Variants in TANC2 observed in about 807,000 individuals in gnomAD.
TANC2 encodes tetratricopeptide repeat, ankyrin repeat and coiled-coil containing 2.
A neutral mutation model predicts 210.5 loss-of-function variants in TANC2; 26 were observed. That is an observed-to-expected ratio of 0.12 (90% CI 0.09 to 0.17). The LOEUF (loss-of-function observed/expected upper bound fraction) is 0.17. Among genes scored for constraint, TANC2 ranks in the 10% least tolerant of loss-of-function variants. The pLI, the probability that TANC2 is intolerant of heterozygous loss-of-function variation, is 1.00. For synonymous variants in TANC2, 931 were observed against 967.1 expected (o/e 0.96, Z 0.69); for missense variants, 2,129 against 2,608.9 (o/e 0.82, Z 4.01).
At chr17:63,402,867 T>A (rs2048384713) in intron 19 of TANC2, among the ~76,000 whole-genome samples, 1 of 152,250 alleles carries the variant, frequency 6.6e-6, no homozygotes, top group Non-Finnish European at 1.5e-5. Flanking sequence ...ATAAATCTCA[T>A]ATAAAATCCA....
intron 9 of TANC2, among the ~76,000 whole-genome samples, chr17:63,310,129 A>G (rs1375459984): frequency 1.3e-5 from 2 of 152,138 alleles, no homozygotes; most frequent in Non-Finnish European, 2.9e-5. Flanking sequence ...GGCGACATAA[A>G]CTGTTTCAAC....
At chr17:63,271,286 G>C (rs1395144175) in intron 9 of TANC2, among the ~76,000 whole-genome samples, 1 of 152,028 alleles carries the variant, frequency 6.6e-6, no homozygotes, top group Non-Finnish European at 1.5e-5. Context: ...CCCACCAACT[G>C]TGTATAAGTG....
rs184285870 is a variant in TANC2 at position 63,057,954 on chromosome 17, G to A, written c.68-15989G>A. On this transcript the variant is annotated intron_variant, in intron 2 of 27. Transcript: ENST00000689528. Reference sequence around the variant, plus strand: ...TATTCTTTTGGGTATATACCCAGTAGTGGAATTGCTGGGTTGAATAGTAAT... The same window carrying A: ...TATTCTTTTGGGTATATACCCAGTAATGGAATTGCTGGGTTGAATAGTAAT... 3.8e-3 allele frequency among the ~76,000 whole-genome samples: 578 copies of A among 152,266 alleles called. 4 individuals carry two copies. Among genetic ancestry groups the A allele is most frequent in the Middle Eastern group, 0.017 (5 of 294 alleles).
chr17:63,224,767 T>C (rs2042286327), intron 7 of TANC2, among the ~76,000 whole-genome samples: 1 of 152,140 alleles, frequency 6.6e-6, no homozygotes, highest in South Asian at 2.1e-4. Context: ...GAGTGTCCAT[T>C]AGGCCTCCAG....
intron 8 of TANC2, among the ~76,000 whole-genome samples, chr17:63,250,107 G>C (rs776736718): frequency 3.3e-5 from 5 of 151,736 alleles, no homozygotes; most frequent in African/African-American, 1.2e-4. Context: ...TCTTTTCCCT[G>C]TTCCTTCTCA....
intron 4 of TANC2, among the ~76,000 whole-genome samples, chr17:63,124,364 G>A (rs183609190): frequency 1.3e-5 from 2 of 152,250 alleles, no homozygotes; most frequent in African/African-American, 4.8e-5. Context: ...CCAAGATGGT[G>A]TAACTTTTGC....
At chr17:63,347,879 A>AT (rs2046465840) in intron 12 of TANC2, among the ~76,000 whole-genome samples, 1 of 152,154 alleles carries the variant, frequency 6.6e-6, no homozygotes, top group African/African-American at 2.4e-5. Context: ...AGCCCAAGCT[A>AT]TCCTCCTGCC....
chr17:63,200,135 C>T (rs1383929885), intron 6 of TANC2, among the ~76,000 whole-genome samples: 1 of 151,642 alleles, frequency 6.6e-6, no homozygotes, highest in Non-Finnish European at 1.5e-5. Flanking sequence ...GCGGGTGGAT[C>T]ACCTGAGGTC....
intron 5 of TANC2, among the ~76,000 whole-genome samples, chr17:63,157,068 T>C (rs1269160008): frequency 2.0e-5 from 3 of 152,192 alleles, no homozygotes; most frequent in African/African-American, 7.2e-5. Flanking sequence ...TTTAATCTTC[T>C]GTAGCTAATG....
chr17:63,405,677 C>T (rs2048481478), intron 20 of TANC2, among the ~76,000 whole-genome samples: 1 of 152,138 alleles, frequency 6.6e-6, no homozygotes, highest in African/African-American at 2.4e-5. Context: ...TTAATTTATA[C>T]ACTTAGGATG....
At chr17:63,203,452 T>G (rs2041600297) in intron 7 of TANC2, among the ~76,000 whole-genome samples, 2 of 152,172 alleles carry the variant, frequency 1.3e-5, no homozygotes, top group South Asian at 4.1e-4. Context: ...ATATGAGACA[T>G]TCTGTATTTT....
intron 2 of TANC2, among the ~76,000 whole-genome samples, chr17:63,018,622 TATTAAC>T (rs2143963559): frequency 6.6e-6 from 1 of 152,340 alleles, no homozygotes; most frequent in East Asian, 1.9e-4. Flanking sequence ...ACAATCAGGA[TATTAAC>T]ATTGATAACA....
intron 7 of TANC2, among the ~76,000 whole-genome samples, chr17:63,218,770 C>G (rs2042090316): frequency 6.6e-6 from 1 of 151,906 alleles, no homozygotes; most frequent in Non-Finnish European, 1.5e-5. Context: ...GTGGTAGACA[C>G]CTGTAATGCT....
At chr17:63,297,897 A>T (rs2044585703) in intron 9 of TANC2, among the ~76,000 whole-genome samples, 1 of 152,164 alleles carries the variant, frequency 6.6e-6, no homozygotes, top group Non-Finnish European at 1.5e-5. Flanking sequence ...AAATGAATAA[A>T]TGACTTGAAT....
At chr17:63,064,370 G>A (rs986406292) in intron 2 of TANC2, among the ~76,000 whole-genome samples, 1 of 152,020 alleles carries the variant, frequency 6.6e-6, no homozygotes, top group Admixed American at 6.5e-5. Flanking sequence ...GAGATGAGAG[G>A]ATCACTTGAG....
In TANC2 at chr17:63,421,443, G is replaced by A. The variant is rs1268456704; in HGVS notation, c.5713G>A (p.Asp1905Asn). 6.2e-7 allele frequency: 1 copy of A among 1,613,990 alleles called. No homozygotes were observed. Among genetic ancestry groups the A allele is most frequent in the South Asian group, 1.1e-5 (1 of 91,086 alleles). The change falls in exon 28 of 28, where the codon GAC becomes AAC. Residue 1905 changes from aspartate (D) to asparagine (N), a missense_variant. Transcript: ENST00000689528. This position sits in a 1 kb window ranked among gnomAD's most constrained non-coding sequence, Gnocchi z 6.9. ...GAAACCTGCATATGAGAGGTCATGT[G>A]ACGAGCTGTCGCCAGTGTCTCCAAC... is the stretch of plus-strand genomic sequence containing the variant.
intron 13 of TANC2, among the ~76,000 whole-genome samples, chr17:63,353,715 CCA>C (rs2046692208): frequency 6.6e-6 from 1 of 151,914 alleles, no homozygotes; most frequent in African/African-American, 2.4e-5. Context: ...TTAAAAGTGG[CCA>C]GTGTGCTAAG....
chr17:63,035,730 A>C (rs921966254), intron 2 of TANC2, among the ~76,000 whole-genome samples: 16 of 152,194 alleles, frequency 1.1e-4, no homozygotes, highest in Non-Finnish European at 2.2e-4. Flanking sequence ...CCTAAGAAGT[A>C]GGATTGTTGG....
chr17:63,066,466 C>G (rs1008908459), intron 2 of TANC2, among the ~76,000 whole-genome samples: 2 of 152,010 alleles, frequency 1.3e-5, no homozygotes, highest in African/African-American at 2.4e-5. Flanking sequence ...CATTGTAGTT[C>G]AAAAGCTAGG....
Sources: allele counts gnomAD v4.1 joint callset (sites outside exome capture counted in the v4.1 genomes callset), GRCh38; gene constraint gnomAD v4.1.1; non-coding constraint Gnocchi (gnomAD v3.1); transcripts MANE v1.5; gene names NCBI Gene and HGNC (gene_info 2026-07-23, HGNC 2026-07-21).